Variants in GMFB observed in about 807,000 individuals in gnomAD.
The protein encoded by GMFB is GMF-beta.
A neutral mutation model predicts 25.6 loss-of-function variants in GMFB; 13 were observed. That is an observed-to-expected ratio of 0.51 (90% CI 0.33 to 0.81). The LOEUF is 0.81. Ranked by LOEUF, GMFB falls within the 30% of genes least tolerant of loss-of-function variation. GMFB has a pLI of 0.02. For missense variants in GMFB, 146 were observed against 175.4 expected, an observed-to-expected ratio of 0.83 and a Z score of 0.95; for synonymous variants, 57 against 56.9, an observed-to-expected ratio of 1.00 and a Z score of 0.00.
chr14:54,481,041 CT>C (rs2031704913), intron 4 of GMFB, 85 bp from the exon 5 acceptor site: 3 of 643,238 alleles, frequency 4.7e-6, no homozygotes, highest in Non-Finnish European at 8.3e-6. Flanking sequence ...CTGCAAGTTT[CT>C]GTCCTATTCT....
chr14:54,488,157 C>T (rs1050152280), intron 1 of GMFB, among the ~76,000 whole-genome samples: 2 of 152,190 alleles, frequency 1.3e-5, no homozygotes, highest in African/African-American at 4.8e-5. Flanking sequence ...TTTGTTGTTT[C>T]TAATGAAATT....
intron 1 of GMFB, among the ~76,000 whole-genome samples, chr14:54,486,696 C>T (rs924418719): frequency 6.6e-6 from 1 of 152,148 alleles, no homozygotes; most frequent in Non-Finnish European, 1.5e-5. Context: ...ACATAGATTT[C>T]CTTTTATGTT....
chr14:54,486,228 G>A (rs905373684), intron 1 of GMFB, among the ~76,000 whole-genome samples: 6 of 152,040 alleles, frequency 3.9e-5, no homozygotes, highest in African/African-American at 7.3e-5. Flanking sequence ...CTAGCCTGGC[G>A]ACAGAGCGAG....
chr14:54,476,917 T>C lies in GMFB; in HGVS notation c.*1171A>G, dbSNP rs1594631932. On this transcript the variant is annotated 3_prime_UTR_variant, in exon 7 of 7. Transcript: ENST00000358056. ...TCCTCGCTTTATGCCAAGAGTACCA[T>C]CATCTAACAAGACTGGTTTAGTTAA... is the stretch of plus-strand genomic sequence containing the variant. 2 of 151,986 alleles carry C rather than the reference T, an allele frequency of 1.3e-5. No individual in the cohort carries two copies. Among genetic ancestry groups the C allele is most frequent in the South Asian group, 4.1e-4 (2 of 4,832 alleles). 9.4% of individuals were successfully genotyped at this position (151,986 alleles called of 1,614,324 possible).
Position 54,483,663 on chromosome 14 carries a change from T to C in GMFB, c.100+8A>G, listed in dbSNP as rs767927932. ...CATGTAACTTTGAGGCAATCACTTT[T>C]AGCTTACTTATAATAGCAGCGTTGT... On this transcript the variant is annotated splice_region_variant and intron_variant, in intron 2 of 6. Transcript: ENST00000358056. The C allele has an allele frequency of 3.5e-6, 5 of 1,443,128 alleles. No homozygotes were observed. The highest frequency in any genetic ancestry group is 2.3e-5 in the East Asian group (1 of 44,100). 89.4% of individuals were successfully genotyped at this position (1,443,128 alleles called of 1,614,324 possible).
At chr14:54,483,577 C>A in intron 2 of GMFB, 94 bp downstream of exon 2, 1 of 674,356 alleles carries the variant, frequency 1.5e-6, no homozygotes. Context: ...GAGGAAGTAA[C>A]ATTGCTTTCC....
chr14:54,483,870 A>G, intron 1 of GMFB, 103 bp from the exon 2 acceptor site: 1 of 738,968 alleles, frequency 1.4e-6, no homozygotes, highest in Non-Finnish European at 2.4e-6. Context: ...GACATTCACA[A>G]ATGTCAATTA....
intron 1 of GMFB, chr14:54,488,722 A>T: frequency 2.0e-6 from 1 of 501,546 alleles, no homozygotes; most frequent in Non-Finnish European, 3.5e-6. Context: ...CCCCGGGCCC[A>T]GCTGGAAGAT....
rs1441490594 is a variant in GMFB, at chr14:54,476,197, G to T, written c.*1891C>A. 2 of 151,844 alleles carry T rather than the reference G, an allele frequency of 1.3e-5. No individual in the cohort carries two copies. Among genetic ancestry groups the T allele is most frequent in the Admixed American group, 1.3e-4 (2 of 15,248 alleles). The allele number at this position is 151,844 out of a possible 1,614,324, so 9.4% of individuals were successfully genotyped here. A position where few individuals can be genotyped will look rare whatever the true frequency, so the allele number is the denominator to read the frequency against. ...CAGTAGCGGAACTAAGAGTGCTAAC[G>T]TATGGCAGGTCAATATTATCTGACA... On this transcript the variant is annotated 3_prime_UTR_variant, in exon 7 of 7. Coordinates refer to ENST00000358056, the MANE Select transcript of GMFB (RefSeq NM_004124.3).
intron 4 of GMFB, 27 bp downstream of exon 4, chr14:54,481,382 T>C (rs370634903): frequency 6.7e-7 from 1 of 1,496,834 alleles, no homozygotes; most frequent in Non-Finnish European, 9.3e-7. Flanking sequence ...AGAAAATAAA[T>C]CTTTTAAAGC....
At chr14:54,485,898 G>T (rs897596092) in intron 1 of GMFB, among the ~76,000 whole-genome samples, 1 of 152,124 alleles carries the variant, frequency 6.6e-6, no homozygotes, top group Non-Finnish European at 1.5e-5. Flanking sequence ...ATACACTGGG[G>T]AAAGGACACT....
chr14:54,484,024 A>G, intron 1 of GMFB: 1 of 566,166 alleles, frequency 1.8e-6, no homozygotes, highest in Non-Finnish European at 3.3e-6. Context: ...GAATGTCTCA[A>G]AAACCACACA....
At chr14:54,484,229 T>A (rs561592523) in intron 1 of GMFB, among the ~76,000 whole-genome samples, 1 of 152,014 alleles carries the variant, frequency 6.6e-6, no homozygotes, top group East Asian at 1.9e-4. Flanking sequence ...GGAAAAAAAA[T>A]ATAAGCAACA....
In GMFB at chr14:54,477,470, A is replaced by T. The variant is rs1160471826; in HGVS notation, c.*618T>A. On this transcript the variant is annotated 3_prime_UTR_variant, in exon 7 of 7. Coordinates refer to ENST00000358056, the MANE Select transcript of GMFB (RefSeq NM_004124.3). Reference sequence around the variant, plus strand: ...TAAGATGCTATAAGGAGAAAAGCTAACAGTCATAATTCTATCATAAAATCT... The same window carrying T: ...TAAGATGCTATAAGGAGAAAAGCTATCAGTCATAATTCTATCATAAAATCT... The T allele has an allele frequency of 1.3e-5, 2 of 152,412 alleles. No individual in the cohort carries two copies. Among genetic ancestry groups the T allele is most frequent in the East Asian group, 3.9e-4 (2 of 5,184 alleles). The allele number at this position is 152,412 out of a possible 1,614,324, so 9.4% of individuals were successfully genotyped here.
chr14:54,481,104 G>C lies in GMFB; in HGVS notation c.201-148C>G, dbSNP rs541974082. On this transcript the variant is annotated intron_variant, in intron 4 of 6. Transcript: ENST00000358056. ...TTCCACAAAATTAAATGGGTTCCAA[G>C]GATAAGTTATAAAATCACATAATCT... 8.7e-6 allele frequency: 5 copies of C among 573,106 alleles called. 1 individual carries two copies. Among genetic ancestry groups the C allele is most frequent in the African/African-American group, 7.7e-5 (4 of 51,832 alleles). The allele number at this position is 573,106 out of a possible 1,614,324, so 35.5% of individuals were successfully genotyped here. A position where few individuals can be genotyped will look rare whatever the true frequency, so the allele number is the denominator to read the frequency against.
Position 54,487,162 on chromosome 14 carries a change from G to A in GMFB, c.3+1763C>T, listed in dbSNP as rs536214879. 2.0e-5 allele frequency among the ~76,000 whole-genome samples: 3 copies of A among 152,292 alleles called. No individual in the cohort carries two copies. The South Asian group carries it at 6.2e-4, about 32-fold the overall frequency. On this transcript the variant is annotated intron_variant, in intron 1 of 6. Transcript: ENST00000358056. ...TGTAATCTCAACACTTTGGGAGGCC[G>A]GGGCAGGTGGATCACTTGAGGTCAG...
chr14:54,481,495 CT>C, intron 3 of GMFB, 37 bp from the exon 4 acceptor site: 1 of 1,469,532 alleles, frequency 6.8e-7, no homozygotes, highest in Non-Finnish European at 9.5e-7. Context: ...TAAACATTTT[CT>C]TACCCATAAG....
rs973255986 is a variant in GMFB, at chr14:54,474,664, T to C, written c.*3424A>G. The C allele has an allele frequency of 7.9e-5, 12 of 152,634 alleles. No homozygotes were observed. The highest frequency in any genetic ancestry group is 2.9e-4 in the African/African-American group (12 of 41,462). The allele number at this position is 152,634 out of a possible 1,614,324, so 9.5% of individuals were successfully genotyped here. ...TGTTAAAATTCACAAGACTAAACCA[T>C]TAATGTTTCAAGCCTCCTGAATGAG... is the stretch of plus-strand genomic sequence containing the variant. On this transcript the variant is annotated 3_prime_UTR_variant, in exon 7 of 7. Coordinates refer to ENST00000358056, the MANE Select transcript of GMFB (RefSeq NM_004124.3).
chr14:54,480,904 G>A lies in GMFB; in HGVS notation c.253C>T (p.Pro85Ser), dbSNP rs1475453187. ...GGACTGGAGAAAATAAAGCACAGAG[G>A]ATATGAAACTCTTCCATCATCATGT... ...YQHDDGRVSYPLCFIFSSPVG... is the reference protein window; with the variant it reads ...YQHDDGRVSYSLCFIFSSPVG... Residue 85 changes from proline (P) to serine (S), a missense_variant, in exon 5 of 7, where the codon CCT becomes TCT. Transcript: ENST00000358056. 1 of 1,533,800 alleles carries A rather than the reference G, an allele frequency of 6.5e-7. No individual in the cohort carries two copies. Among genetic ancestry groups the A allele is most frequent in the Non-Finnish European group, 9.0e-7 (1 of 1,116,504 alleles).
Sources: allele counts gnomAD v4.1 joint callset (sites outside exome capture counted in the v4.1 genomes callset), GRCh38; gene constraint gnomAD v4.1.1; transcripts MANE v1.5; gene names NCBI Gene and HGNC (gene_info 2026-07-23, HGNC 2026-07-21).